The following ST6GAL1 variants were observed in gnomAD, a reference collection of about 807,000 sequenced individuals.
ST6GAL1 encodes the protein ST6 beta-galactoside alpha-2,6-sialyltransferase 1, also known as beta-galactoside alpha-2,6-sialyltransferase 1.
A neutral mutation model predicts 38.0 loss-of-function variants in ST6GAL1; 20 were observed. That is an observed-to-expected ratio of 0.53 (90% confidence interval 0.37 to 0.77). ST6GAL1 has a LOEUF of 0.77. ST6GAL1 is among the 30% of genes least tolerant of loss of function. The pLI is 0.00. For missense variants in ST6GAL1, 432 were observed against 496.4 expected (o/e 0.87, Z 1.23); for synonymous variants, 196 against 188.2 (o/e 1.04, Z -0.34).
chr3:187,003,885 A>T (rs1716699409), intron 2 of ST6GAL1, among the ~76,000 whole-genome samples: 1 of 152,208 alleles, frequency 6.6e-6, no homozygotes, highest in South Asian at 2.1e-4. Context: ...AGAAAGAGAC[A>T]GAAGAGCTAT....
intron 2 of ST6GAL1, among the ~76,000 whole-genome samples, chr3:187,028,330 C>T (rs946428068): frequency 5.3e-5 from 8 of 152,238 alleles, no homozygotes; most frequent in Admixed American, 2.6e-4. Context: ...AATTGTCTAT[C>T]GTGACTTTTT....
chr3:187,030,802 G>T (rs532602371), intron 2 of ST6GAL1, among the ~76,000 whole-genome samples: 233 of 152,336 alleles, frequency 1.5e-3, no homozygotes, highest in African/African-American at 5.3e-3. Flanking sequence ...AAGAGGCAGA[G>T]CTACTCACAC....
At chr3:187,066,062 C>T (rs1719107455) in intron 5 of ST6GAL1, among the ~76,000 whole-genome samples, 1 of 150,374 alleles carries the variant, frequency 6.7e-6, no homozygotes, top group Non-Finnish European at 1.5e-5. Context: ...AGACAGGTAT[C>T]TGGATGGGTT....
intron 4 of ST6GAL1, among the ~76,000 whole-genome samples, chr3:187,047,268 A>G (rs1255922259): frequency 1.4e-5 from 2 of 147,416 alleles, no homozygotes; most frequent in Non-Finnish European, 3.0e-5. Flanking sequence ...TTTTTTTTTT[A>G]ACTCTGATCT....
At chr3:187,000,480 T>C (rs1390905620) in intron 2 of ST6GAL1, among the ~76,000 whole-genome samples, 2 of 152,168 alleles carry the variant, frequency 1.3e-5, no homozygotes, top group East Asian at 1.9e-4. Flanking sequence ...GAGAATCGCT[T>C]GAACCCGGGA....
At chr3:186,977,275 C>T (rs1012808740) in intron 2 of ST6GAL1, among the ~76,000 whole-genome samples, 3 of 152,176 alleles carry the variant, frequency 2.0e-5, no homozygotes, top group African/African-American at 7.2e-5. Context: ...GCTTTTATCA[C>T]CAGCGGTTTC....
At chr3:187,062,115 A>G (rs1408998534) in intron 5 of ST6GAL1, among the ~76,000 whole-genome samples, 1 of 152,188 alleles carries the variant, frequency 6.6e-6, no homozygotes, top group Non-Finnish European at 1.5e-5. Context: ...AGCACATGAA[A>G]AGAGACTCAA....
intron 5 of ST6GAL1, among the ~76,000 whole-genome samples, chr3:187,069,487 G>A (rs1406281676): frequency 1.3e-5 from 2 of 152,152 alleles, no homozygotes; most frequent in Non-Finnish European, 2.9e-5. Flanking sequence ...AGGTCCAGGA[G>A]TCCCCTTGGT....
Position 187,043,262 on chromosome 3 carries a change from G to C in ST6GAL1, c.559G>C (p.Val187Leu). 2 of 1,614,208 alleles carry C rather than the reference G, an allele frequency of 1.2e-6. No individual in the cohort carries two copies. Among genetic ancestry groups the C allele is most frequent in the East Asian group, 4.5e-5 (2 of 44,888 alleles). Residue 187 changes from valine to leucine, a missense_variant, in exon 4 of 8, where the codon GTG (valine) becomes CTG (leucine). Val to Leu is a conservative substitution (Grantham distance 32). Coordinates refer to ENST00000169298, the MANE Select transcript of ST6GAL1 (RefSeq NM_173216.2). ...TGGGCCTTGGGGCAGGTGTGCTGTT[G>C]TGTCGTCAGCGGGATCTCTGAAGTC... ...KAGPWGRCAV[V>L]SSAGSLKSSQ...
chr3:186,995,550 T>TA (rs1366987760), intron 2 of ST6GAL1, among the ~76,000 whole-genome samples: 1 of 148,344 alleles, frequency 6.7e-6, no homozygotes, highest in Non-Finnish European at 1.5e-5. Flanking sequence ...AAGAAATTGT[T>TA]AAAATGCAGG....
chr3:186,935,482 A>G (rs1188678062), intron 1 of ST6GAL1, among the ~76,000 whole-genome samples: 1 of 152,092 alleles, frequency 6.6e-6, no homozygotes, highest in African/African-American at 2.4e-5. Flanking sequence ...ATGTGTCTTT[A>G]TGGTAGAACA....
Position 186,932,159 on chromosome 3 carries a change from A to G in ST6GAL1, c.-325+1325A>G, listed in dbSNP as rs148941269. ...CCTGTCCCCGGGGGGGGAACTGGAG[A>G]GCCTCCAATCCTATTCCGCTGTTAT... is the stretch of plus-strand genomic sequence containing the variant. On this transcript the variant is annotated intron_variant, in intron 1 of 7. Coordinates refer to ENST00000169298, the MANE Select transcript of ST6GAL1 (RefSeq NM_173216.2). Among the ~76,000 whole-genome samples the G allele has an allele frequency of 5.6e-3, 851 of 152,272 alleles. 4 individuals are homozygous for G. Among genetic ancestry groups the G allele is most frequent in the Middle Eastern group, 0.024 (7 of 294 alleles).
intron 2 of ST6GAL1, among the ~76,000 whole-genome samples, chr3:186,980,074 G>A (rs182558073): frequency 2.6e-5 from 4 of 152,298 alleles, no homozygotes; most frequent in African/African-American, 9.6e-5. Flanking sequence ...GTTGCCTGAA[G>A]CCATAAAACA....
intron 2 of ST6GAL1, chr3:186,986,312 C>T (rs576157272): frequency 4.6e-5 from 7 of 152,270 alleles, no homozygotes; most frequent in Non-Finnish European, 8.8e-5. Context: ...ACCAAAGAGT[C>T]GCTACTCAGT....
At chr3:187,067,694 G>T (rs769995930) in intron 5 of ST6GAL1, among the ~76,000 whole-genome samples, 1 of 152,138 alleles carries the variant, frequency 6.6e-6, no homozygotes, top group Non-Finnish European at 1.5e-5. Flanking sequence ...TGACCCTCAT[G>T]GTGTGCTTGC....
At chr3:187,037,817 G>A (rs1717980952) in intron 2 of ST6GAL1, among the ~76,000 whole-genome samples, 1 of 151,940 alleles carries the variant, frequency 6.6e-6, no homozygotes, top group African/African-American at 2.4e-5. Context: ...GTACATTTTA[G>A]AAATTTTGGA....
chr3:186,953,356 C>T (rs760284977), intron 1 of ST6GAL1, among the ~76,000 whole-genome samples: 6 of 152,174 alleles, frequency 3.9e-5, no homozygotes, highest in Non-Finnish European at 8.8e-5. Context: ...ATATAAAGCA[C>T]ACTTTGGTCT....
intron 2 of ST6GAL1, among the ~76,000 whole-genome samples, chr3:186,979,580 T>C (rs1470280623): frequency 1.3e-5 from 2 of 152,172 alleles, no homozygotes; most frequent in African/African-American, 2.4e-5. Context: ...TTTCCTTCCT[T>C]AATACATAGT....
intron 2 of ST6GAL1, among the ~76,000 whole-genome samples, chr3:187,010,737 C>T (rs961753789): frequency 7.2e-5 from 11 of 152,162 alleles, no homozygotes; most frequent in East Asian, 5.8e-4. Flanking sequence ...GATACTGTGG[C>T]GAGCAATATC....
Sources: allele counts gnomAD v4.1 joint callset (sites outside exome capture counted in the v4.1 genomes callset), GRCh38; gene constraint gnomAD v4.1.1; transcripts MANE v1.5; gene names NCBI Gene and HGNC (gene_info 2026-07-23, HGNC 2026-07-21).